CEP76: variants seen among roughly 807,000 people sequenced by gnomAD.
The protein encoded by CEP76 is centrosomal protein 76.
A neutral mutation model predicts 83.3 loss-of-function variants in CEP76; 55 were observed. The observed-to-expected ratio is 0.66, with a 90% CI of 0.53 to 0.83. CEP76 has a LOEUF of 0.83. CEP76 is among the 40% of genes least tolerant of loss of function. The pLI, the probability that CEP76 is intolerant of heterozygous loss-of-function variation, is 0.00. For synonymous variants in CEP76, 270 were observed against 274.5 expected (o/e 0.98, Z 0.16); for missense variants, 694 against 799.5 (o/e 0.87, Z 1.59).
chr18:12,700,982 C>A lies in CEP76; in HGVS notation c.195G>T (p.Val65=), dbSNP rs1369967550. The A allele has an allele frequency of 6.2e-7, 1 of 1,613,164 alleles. No homozygotes were observed. The highest frequency in any genetic ancestry group is 8.5e-7 in the Non-Finnish European group (1 of 1,179,664). Residue 65 remains valine (V), a synonymous_variant, in exon 2 of 12, where the codon GTG becomes GTT. Coordinates refer to ENST00000262127, the MANE Select transcript of CEP76 (RefSeq NM_024899.4). The stretch of plus-strand genomic sequence containing the variant: ...CAGTAACAAAATTAAGTTCTTTCAT[C>A]ACATCGTCAATGATTCCTCGACGTC... The part of the protein sequence containing the change: ...ALRRRGIIDD[V]MKELNFVTDS...
At chr18:12,699,671 T>C (rs1446740391) in intron 3 of CEP76, among the ~76,000 whole-genome samples, 159 bp downstream of exon 3, 1 of 152,190 alleles carries the variant, frequency 6.6e-6, no homozygotes, top group Non-Finnish European at 1.5e-5. Flanking sequence ...ACTCTTCTGA[T>C]ATACTTCATG....
At chr18:12,696,387 C>T (rs2039958269) in intron 5 of CEP76, among the ~76,000 whole-genome samples, 1 of 152,076 alleles carries the variant, frequency 6.6e-6, no homozygotes, top group Admixed American at 6.6e-5. Context: ...CCTGTAGTCC[C>T]AGCTACTTAG....
At chr18:12,691,251 C>T (rs2039750753) in intron 7 of CEP76, 108 bp downstream of exon 7, 2 of 699,084 alleles carry the variant, frequency 2.9e-6, no homozygotes, top group Admixed American at 3.5e-5. Context: ...TACAAATACA[C>T]TTTTATTTTT....
intron 1 of CEP76, among the ~76,000 whole-genome samples, chr18:12,701,984 G>A (rs1241292188): frequency 4.6e-5 from 7 of 152,194 alleles, no homozygotes; most frequent in South Asian, 2.1e-4. Context: ...AAAATTAGCC[G>A]AGCGTGGTGG....
At chr18:12,688,349 T>C (rs1474873698) in intron 7 of CEP76, among the ~76,000 whole-genome samples, 1 of 151,926 alleles carries the variant, frequency 6.6e-6, no homozygotes, top group Non-Finnish European at 1.5e-5. Flanking sequence ...TACTATACTA[T>C]AGCAAAACCA....
chr18:12,679,471 C>T (rs1335949324), intron 9 of CEP76, among the ~76,000 whole-genome samples: 7 of 152,086 alleles, frequency 4.6e-5, no homozygotes, highest in Non-Finnish European at 8.8e-5. Flanking sequence ...GTGGAGCGTC[C>T]GTTTCCCAGT....
rs1376730782 is a variant in CEP76, at chr18:12,702,607, C to A, written c.-59G>T. ...CGCCTCAGATGCCCTAACTGCGCGG[C>A]CCCGGCCGGGCCAGGGAGCGTTAGG... On this transcript the variant is annotated 5_prime_UTR_variant, in exon 1 of 12. Transcript: ENST00000262127. 2 of 1,555,554 alleles carry A rather than the reference C, an allele frequency of 1.3e-6. No individual in the cohort carries two copies. Among genetic ancestry groups the A allele is most frequent in the Middle Eastern group, 1.8e-4 (1 of 5,524 alleles).
downstream of CEP76, among the ~76,000 whole-genome samples, chr18:12,670,129 C>G (rs186452891): frequency 1.8e-3 from 276 of 152,116 alleles, 1 homozygote; most frequent in African/African-American, 6.4e-3. Flanking sequence ...CAGGAGTTCG[C>G]GACCAGCCTG....
At chr18:12,697,162 A>G in intron 5 of CEP76, 61 bp downstream of exon 5, 1 of 1,194,804 alleles carries the variant, frequency 8.4e-7, no homozygotes, top group Non-Finnish European at 1.2e-6. Flanking sequence ...AAGATATAAA[A>G]TATATTTACA....
Position 12,699,165 on chromosome 18 carries a change from C to G in CEP76, c.334G>C (p.Val112Leu). 1 of 1,614,012 alleles carries G rather than the reference C, an allele frequency of 6.2e-7. No homozygotes were observed. Among genetic ancestry groups the G allele is most frequent in the South Asian group, 1.1e-5 (1 of 91,068 alleles). ...DPTRRYLYLQ[V>L]LGGKAFLEHL... ...TCCAAGAAAGCTTTTCCACCCAAAA[C>G]CTGAAGGTAAAGATACCTCCGTGTT... is the stretch of plus-strand genomic sequence containing the variant. The change falls in exon 4 of 12, where the codon GTT becomes CTT. Residue 112 changes from valine to leucine, a missense_variant. Transcript: ENST00000262127.
intron 8 of CEP76, among the ~76,000 whole-genome samples, chr18:12,681,064 T>C (rs1346334383): frequency 1.3e-5 from 2 of 151,732 alleles, no homozygotes; most frequent in Admixed American, 6.6e-5. Flanking sequence ...CCGGGTGTGG[T>C]AGCACACACC....
rs951842549 is a variant in CEP76 at position 12,686,336 on chromosome 18, G to A, written c.1048C>T (p.Arg350Ter). Reference protein sequence around the residue: ...ARFVNVLGYERAPVIGGGGKQ... With the variant: ...ARFVNVLGYE ...CCTCCTCCTCCAATAACAGGGGCTC[G>A]TTCATAACCAAGGACATTAACAAAT... Residue 350 changes from arginine to a stop codon, truncating the protein, a stop_gained, in exon 8 of 12, where the codon CGA (arginine) becomes TGA (stop). Coordinates refer to ENST00000262127, the MANE Select transcript of CEP76 (RefSeq NM_024899.4). LOFTEE classifies it high-confidence loss of function. 13 of 1,613,902 alleles carry A rather than the reference G, an allele frequency of 8.1e-6. No homozygotes were observed. Among genetic ancestry groups the A allele is most frequent in the Non-Finnish European group, 1.1e-5 (13 of 1,179,972 alleles).
downstream of CEP76, among the ~76,000 whole-genome samples, chr18:12,667,848 C>CTT (rs36019439): frequency 2.7e-4 from 32 of 116,712 alleles, no homozygotes; most frequent in African/African-American, 1.0e-3. Context: ...CTTTCTGATC[C>CTT]TTTTTTTTTT....
At chr18:12,665,382 A>G (rs1022567376) in intron 12 of CEP76, among the ~76,000 whole-genome samples, 38 of 152,080 alleles carry the variant, frequency 2.5e-4, no homozygotes, top group African/African-American at 9.2e-4. Flanking sequence ...AATCGAGTTC[A>G]TGCCTTATAT....
At chr18:12,688,648 T>C (rs2039633539) in intron 7 of CEP76, among the ~76,000 whole-genome samples, 1 of 152,198 alleles carries the variant, frequency 6.6e-6, no homozygotes, top group Admixed American at 6.5e-5. Flanking sequence ...TATTTCAACC[T>C]CTGAATGGGC....
At chr18:12,693,089 G>T (rs972039727) in intron 6 of CEP76, among the ~76,000 whole-genome samples, 2 of 152,172 alleles carry the variant, frequency 1.3e-5, no homozygotes, top group Admixed American at 1.3e-4. Flanking sequence ...CTCCCAAAGT[G>T]CTGGGATTAC....
At position 12,698,895 on chromosome 18, in the gene CEP76, A is replaced by G. The variant is rs575362572; in HGVS notation, c.520+84T>C. 13 of 985,478 alleles carry G rather than the reference A, an allele frequency of 1.3e-5. No homozygotes were observed. In the Admixed American group the frequency reaches 2.7e-4, roughly 20 times the overall value. The allele number at this position is 985,478 out of a possible 1,614,324, so 61.0% of individuals were successfully genotyped here. A position where few individuals can be genotyped will look rare whatever the true frequency, so the allele number is the denominator to read the frequency against. Reference sequence around the variant, plus strand: ...ATTCCTCCATTATAAATCTCTCCTTACAGAAAAAGTCATTATTATTGTTTC... The same window carrying G: ...ATTCCTCCATTATAAATCTCTCCTTGCAGAAAAAGTCATTATTATTGTTTC... On this transcript the variant is annotated intron_variant, in intron 4 of 11. Coordinates refer to ENST00000262127, the MANE Select transcript of CEP76 (RefSeq NM_024899.4).
intron 5 of CEP76, among the ~76,000 whole-genome samples, chr18:12,695,877 C>A (rs1204376213): frequency 6.6e-6 from 1 of 151,988 alleles, no homozygotes; most frequent in Non-Finnish European, 1.5e-5. Context: ...CACACACACA[C>A]ACACACACTA....
At chr18:12,663,942 A>C (rs1334945113) in intron 12 of CEP76, among the ~76,000 whole-genome samples, 1 of 152,208 alleles carries the variant, frequency 6.6e-6, no homozygotes, top group Non-Finnish European at 1.5e-5. Context: ...AGGCAGGCAG[A>C]TCACCTGAGG....
Sources: allele counts gnomAD v4.1 joint callset (sites outside exome capture counted in the v4.1 genomes callset), GRCh38; gene constraint gnomAD v4.1.1; transcripts MANE v1.5; gene names NCBI Gene and HGNC (gene_info 2026-07-23, HGNC 2026-07-21).